The following CAST variants were observed in gnomAD, a reference collection of about 807,000 sequenced individuals.
CAST encodes the protein MIR583 host.
Under a neutral mutation model 119.6 loss-of-function variants are expected in CAST, and 76 were observed. The observed-to-expected ratio is 0.64, with a 90% CI of 0.53 to 0.77. The LOEUF is 0.77. Among genes scored for constraint, CAST ranks in the 30% least tolerant of loss-of-function variants. The pLI, the probability that CAST is intolerant of heterozygous loss-of-function variation, is 0.00. For synonymous variants in CAST, 319 were observed against 331.6 expected (o/e 0.96, Z 0.41); for missense variants, 953 against 946.5 (o/e 1.01, Z -0.09).
the CAST span, among the ~76,000 whole-genome samples, chr5:96,339,260 C>A: frequency 2.0e-5 from 3 of 152,170 alleles, no homozygotes; most frequent in East Asian, 1.9e-4. Context: ...TAACATACGA[C>A]CCCAAGAAAC....
chr5:96,023,846 C>A, the CAST span, among the ~76,000 whole-genome samples: 5 of 151,624 alleles, frequency 3.3e-5, no homozygotes, highest in Non-Finnish European at 7.4e-5. Flanking sequence ...TTTTTTGTTT[C>A]CAACTTTACT....
chr5:96,555,413 G>A (rs561089002), intron 1 of CAST, among the ~76,000 whole-genome samples: 23 of 152,290 alleles, frequency 1.5e-4, no homozygotes, highest in African/African-American at 2.2e-4. Context: ...AGCGTGAGCC[G>A]AAGCAGGGTG....
chr5:96,260,883 A>G, the CAST span, among the ~76,000 whole-genome samples: 1 of 152,206 alleles, frequency 6.6e-6, no homozygotes, highest in Admixed American at 6.5e-5. Context: ...AGTGTCTAAA[A>G]GCTGTGAGTG....
At chr5:96,428,760 G>A in the CAST span, among the ~76,000 whole-genome samples, 103 of 152,210 alleles carry the variant, frequency 6.8e-4, no homozygotes, top group East Asian at 0.019. Flanking sequence ...ATACTGAAAT[G>A]TTATTGAAAG....
the CAST span, among the ~76,000 whole-genome samples, chr5:96,519,056 C>T: frequency 6.6e-6 from 1 of 151,992 alleles, no homozygotes; most frequent in African/African-American, 2.4e-5. Context: ...GCGAAACTGT[C>T]TCACACCCAC....
At chr5:96,009,725 A>G in the CAST span, among the ~76,000 whole-genome samples, 1 of 152,000 alleles carries the variant, frequency 6.6e-6, no homozygotes, top group African/African-American at 2.4e-5. Context: ...TGCAAATATT[A>G]TCTCCCATTC....
the CAST span, among the ~76,000 whole-genome samples, chr5:96,114,056 C>A: frequency 6.6e-6 from 1 of 152,078 alleles, no homozygotes; most frequent in East Asian, 1.9e-4. Context: ...TACCATTTTT[C>A]AACAATAAGT....
the CAST span, among the ~76,000 whole-genome samples, chr5:96,262,344 T>A: frequency 1.3e-5 from 2 of 152,140 alleles, no homozygotes; most frequent in African/African-American, 4.8e-5. Context: ...CAGACTATTC[T>A]CACTATAGCT....
At chr5:96,564,469 T>C (rs1746434771) in intron 1 of CAST, among the ~76,000 whole-genome samples, 1 of 152,224 alleles carries the variant, frequency 6.6e-6, no homozygotes, top group Non-Finnish European at 1.5e-5. Context: ...TGCCGGAAAA[T>C]GTGTTGTATT....
At chr5:96,367,112 G>C in the CAST span, among the ~76,000 whole-genome samples, 1 of 152,122 alleles carries the variant, frequency 6.6e-6, no homozygotes, top group Non-Finnish European at 1.5e-5. Flanking sequence ...TGTTTGCCTG[G>C]GCATCAGCAG....
At chr5:96,146,926 T>C in the CAST span, among the ~76,000 whole-genome samples, 3 of 152,210 alleles carry the variant, frequency 2.0e-5, no homozygotes, top group African/African-American at 7.2e-5. Flanking sequence ...AGTCAAGAAG[T>C]GACACGGTTA....
intron 1 of CAST, among the ~76,000 whole-genome samples, chr5:96,648,281 T>C (rs1441156173): frequency 1.3e-5 from 2 of 152,224 alleles, no homozygotes; most frequent in Admixed American, 6.5e-5. Flanking sequence ...CACTTCCTTA[T>C]TGGTCTTTCT....
the CAST span, among the ~76,000 whole-genome samples, chr5:96,271,353 C>G: frequency 6.6e-6 from 1 of 152,104 alleles, no homozygotes; most frequent in African/African-American, 2.4e-5. Context: ...TCAAAATATA[C>G]TACAAAGTTA....
chr5:96,604,823 T>C (rs78695545), intron 1 of CAST, among the ~76,000 whole-genome samples: 225 of 152,328 alleles, frequency 1.5e-3, no homozygotes, highest in African/African-American at 5.1e-3. Context: ...ATGTGTGATA[T>C]GTAAAATTCC....
At chr5:96,206,953 T>C in the CAST span, among the ~76,000 whole-genome samples, 1 of 152,078 alleles carries the variant, frequency 6.6e-6, no homozygotes, top group African/African-American at 2.4e-5. Context: ...AATGTTTTTC[T>C]ATTCATTTGT....
chr5:96,039,153 G>A, the CAST span, among the ~76,000 whole-genome samples: 1 of 152,036 alleles, frequency 6.6e-6, no homozygotes, highest in Admixed American at 6.6e-5. Flanking sequence ...TATATCTGTT[G>A]GCTGCATAAA....
chr5:96,394,021 A>G, the CAST span, among the ~76,000 whole-genome samples: 1 of 152,192 alleles, frequency 6.6e-6, no homozygotes, highest in Non-Finnish European at 1.5e-5. Flanking sequence ...CAGGTCCTGG[A>G]GGGAAGCTGC....
At chr5:96,083,114 T>A in the CAST span, among the ~76,000 whole-genome samples, 1 of 152,180 alleles carries the variant, frequency 6.6e-6, no homozygotes, top group Non-Finnish European at 1.5e-5. Flanking sequence ...TGGAGTTAGG[T>A]CTAAACAGGT....
chr5:96,494,739 C>G, the CAST span, among the ~76,000 whole-genome samples: 1 of 152,130 alleles, frequency 6.6e-6, no homozygotes, highest in Admixed American at 6.5e-5. Flanking sequence ...AGAGTTCCCA[C>G]CAATCAGTGG....
Sources: allele counts gnomAD v4.1 joint callset (sites outside exome capture counted in the v4.1 genomes callset), GRCh38; gene constraint gnomAD v4.1.1; transcripts MANE v1.5; gene names NCBI Gene and HGNC (gene_info 2026-07-23, HGNC 2026-07-21).